Variants in WDR17 observed in about 807,000 individuals in gnomAD.
WDR17 encodes the protein WD repeat-containing protein 17.
A neutral mutation model predicts 161.7 loss-of-function variants in WDR17; 143 were observed. That is an observed-to-expected ratio of 0.88 (90% CI 0.77 to 1.02). WDR17 has a LOEUF of 1.02. Ranked by LOEUF, WDR17 falls within the 50% of genes least tolerant of loss-of-function variation. The pLI is 0.00. For missense variants in WDR17, 1,469 were observed against 1,520.9 expected (o/e 0.97, Z 0.57); for synonymous variants, 517 against 515.6 (o/e 1.00, Z -0.04).
At chr4:176,082,980 A>G (rs1345900961) in intron 1 of WDR17, among the ~76,000 whole-genome samples, 1 of 152,150 alleles carries the variant, frequency 6.6e-6, no homozygotes, top group African/African-American at 2.4e-5. Context: ...ATTTTAATAA[A>G]GACTACATTT....
intron 1 of WDR17, among the ~76,000 whole-genome samples, chr4:176,093,669 G>C (rs1191311741): frequency 6.6e-6 from 1 of 151,840 alleles, no homozygotes; most frequent in Non-Finnish European, 1.5e-5. Flanking sequence ...TTCCTCAAAA[G>C]TTTCTTCTTA....
intron 17 of WDR17, among the ~76,000 whole-genome samples, chr4:176,154,894 A>G (rs536236352): frequency 2.6e-5 from 4 of 152,186 alleles, no homozygotes; most frequent in Non-Finnish European, 4.4e-5. Flanking sequence ...CTGGAATCCA[A>G]TGAAATCTGT....
intron 12 of WDR17, among the ~76,000 whole-genome samples, 153 bp downstream of exon 12, chr4:176,146,312 C>T (rs918507691): frequency 3.9e-5 from 6 of 152,166 alleles, no homozygotes; most frequent in African/African-American, 1.4e-4. Context: ...TGGTTTACTG[C>T]AATCTCCACC....
At chr4:176,138,662 T>G (rs1013744014) in intron 9 of WDR17, among the ~76,000 whole-genome samples, 3 of 151,782 alleles carry the variant, frequency 2.0e-5, no homozygotes, top group African/African-American at 7.2e-5. Flanking sequence ...ATTCAAAAAT[T>G]GTATATCTTT....
At chr4:176,172,558 T>A (rs1561217730) in intron 24 of WDR17, 42 bp downstream of exon 24, 3 of 1,483,360 alleles carry the variant, frequency 2.0e-6, no homozygotes, top group Non-Finnish European at 1.8e-6. Context: ...TATACTCATT[T>A]ATTTGATCGT....
chr4:176,151,586 T>C (rs1424663656), intron 16 of WDR17, among the ~76,000 whole-genome samples: 2 of 152,194 alleles, frequency 1.3e-5, no homozygotes, highest in African/African-American at 2.4e-5. Flanking sequence ...GGATGCATAA[T>C]AGTTTATGGG....
chr4:176,149,330 C>A (rs1746720521), intron 13 of WDR17, among the ~76,000 whole-genome samples: 1 of 151,592 alleles, frequency 6.6e-6, no homozygotes, highest in Non-Finnish European at 1.5e-5. Context: ...TGTACAGTGG[C>A]GCAAACACAG....
intron 1 of WDR17, among the ~76,000 whole-genome samples, chr4:176,074,052 G>T (rs1261418791): frequency 6.6e-6 from 1 of 151,538 alleles, no homozygotes; most frequent in Non-Finnish European, 1.5e-5. Flanking sequence ...TTTGTAGGTT[G>T]CCTGTTCACT....
intron 18 of WDR17, among the ~76,000 whole-genome samples, chr4:176,159,625 CA>C (rs763518841): frequency 6.6e-6 from 1 of 152,170 alleles, no homozygotes; most frequent in Non-Finnish European, 1.5e-5. Flanking sequence ...CTGTCTTTAA[CA>C]ATGTAGATAC....
Position 176,150,549 on chromosome 4 carries a change from T to C in WDR17, c.2260T>C (p.Cys754Arg), listed in dbSNP as rs950756951. The C allele has an allele frequency of 6.8e-6, 11 of 1,611,514 alleles. No individual in the cohort carries two copies. Among genetic ancestry groups the C allele is most frequent in the Non-Finnish European group, 9.3e-6 (11 of 1,179,052 alleles). The change falls in exon 16 of 29, where the codon TGC (cysteine) becomes CGC (arginine). Residue 754 changes from cysteine (C) to arginine (R), a missense_variant. Transcript: ENST00000508596. Reference protein sequence around the residue: ...QDDSLLPQNYCKGIMHLKHLI... With the variant: ...QDDSLLPQNYRKGIMHLKHLI... ...TGATAGCTTACTTCCTCAGAACTAC[T>C]GCAAAGGAATAATGCACTTGAAACA...
At chr4:176,110,807 CTA>C (rs1561114467) in intron 1 of WDR17, among the ~76,000 whole-genome samples, 1 of 152,100 alleles carries the variant, frequency 6.6e-6, no homozygotes, top group Non-Finnish European at 1.5e-5. Flanking sequence ...AAGTCACACT[CTA>C]TGTGTGGTGC....
chr4:176,092,648 C>G (rs1001409668), intron 1 of WDR17, among the ~76,000 whole-genome samples: 4 of 151,998 alleles, frequency 2.6e-5, no homozygotes, highest in African/African-American at 9.7e-5. Flanking sequence ...AAAGACTCTA[C>G]CAAAAAAAAT....
At chr4:176,095,483 C>T (rs1387434383) in intron 1 of WDR17, among the ~76,000 whole-genome samples, 2 of 152,096 alleles carry the variant, frequency 1.3e-5, no homozygotes, top group Non-Finnish European at 2.9e-5. Flanking sequence ...TCTCAAGTAG[C>T]TGCAGTGATA....
At chr4:176,123,426 C>T (rs1741917009) in intron 4 of WDR17, among the ~76,000 whole-genome samples, 1 of 152,146 alleles carries the variant, frequency 6.6e-6, no homozygotes, top group South Asian at 2.1e-4. Context: ...GATCAGGCCC[C>T]ATTACTGTCC....
chr4:176,078,769 A>T (rs1734377423), intron 1 of WDR17, among the ~76,000 whole-genome samples: 1 of 149,776 alleles, frequency 6.7e-6, no homozygotes, highest in Non-Finnish European at 1.5e-5. Flanking sequence ...TCATTAAAAC[A>T]TAGTTATATG....
chr4:176,084,747 C>T lies in WDR17; in HGVS notation c.-7+18668C>T, dbSNP rs534010333. ...CTTTTTAAAATTGTTAGCTTACTGT[C>T]GAGATTATATATATATATTATATAT... On this transcript the variant is annotated intron_variant, in intron 1 of 28. Transcript: ENST00000508596. Among the ~76,000 whole-genome samples, 361 of 144,538 alleles carry T rather than the reference C, an allele frequency of 2.5e-3. 1 individual carries two copies. Among genetic ancestry groups the T allele is most frequent in the African/African-American group, 4.9e-3 (193 of 39,518 alleles). 94.8% of individuals were successfully genotyped at this position (144,538 alleles called of 152,430 possible). A position where few individuals can be genotyped will look rare whatever the true frequency, so the allele number is the denominator to read the frequency against.
chr4:176,132,649 G>A (rs1020112762), intron 7 of WDR17, among the ~76,000 whole-genome samples: 2 of 151,864 alleles, frequency 1.3e-5, no homozygotes, highest in Non-Finnish European at 2.9e-5. Flanking sequence ...AAAATAATCT[G>A]TAGCTTAATT....
In WDR17 at chr4:176,181,304, T is replaced by TA. The variant is rs1752132712; in HGVS notation, c.*1730dup. 6.5e-6 allele frequency: 1 copy of TA among 154,450 alleles called. No individual in the cohort carries two copies. The highest frequency in any genetic ancestry group is 1.4e-5 in the Non-Finnish European group (1 of 70,120). The allele number at this position is 154,450 out of a possible 1,614,324, so 9.6% of individuals were successfully genotyped here. On this transcript the variant is annotated 3_prime_UTR_variant, in exon 29 of 29. Transcript: ENST00000508596. ...CAACATGGTGAAACCCTGTCTCTAC[T>TA]AAAAATACAAAAATTAGCTGGGTGT...
chr4:176,161,357 G>A (rs756093435), intron 20 of WDR17, among the ~76,000 whole-genome samples: 1 of 152,154 alleles, frequency 6.6e-6, no homozygotes, highest in Admixed American at 6.6e-5. Context: ...TAAAGTTAGT[G>A]TATGTAAGTT....
Sources: gnomAD v4.1 joint callset for allele counts (sites outside exome capture counted in the v4.1 genomes callset) on GRCh38, gnomAD v4.1.1 for gene constraint, MANE v1.5 for transcripts, NCBI Gene and HGNC (gene_info 2026-07-23, HGNC 2026-07-21) for gene names.